CCDC91: variants seen among roughly 807,000 people sequenced by gnomAD.
The protein encoded by CCDC91 is coiled-coil domain-containing protein 91.
In CCDC91, 48 loss-of-function variants were observed where a neutral mutation model predicts 63.2. The ratio of observed to expected loss-of-function variants is 0.76; its 90% CI spans 0.60 to 0.97. The LOEUF (loss-of-function observed/expected upper bound fraction) is 0.97. Ranked by LOEUF, CCDC91 falls within the 50% of genes least tolerant of loss-of-function variation. The pLI, the probability that CCDC91 is intolerant of heterozygous loss-of-function variation, is 0.00. For synonymous variants in CCDC91, 167 were observed against 165.8 expected (o/e 1.01, Z -0.06); for missense variants, 500 against 494.6 (o/e 1.01, Z -0.10).
intron 11 of CCDC91, among the ~76,000 whole-genome samples, chr12:28,458,730 C>T (rs1950174481): frequency 6.6e-6 from 1 of 151,894 alleles, no homozygotes; most frequent in South Asian, 2.1e-4. Flanking sequence ...ACCCACCTCA[C>T]ATCTTTTTAA....
chr12:28,191,193 C>T (rs1941206015), intron 1 of CCDC91: 1 of 152,240 alleles, frequency 6.6e-6, no homozygotes, highest in Non-Finnish European at 1.5e-5. Context: ...CCCGTTAGCA[C>T]GCCTCCCTTT....
intron 1 of CCDC91, among the ~76,000 whole-genome samples, chr12:28,237,646 C>G (rs1945056300): frequency 6.6e-6 from 1 of 152,192 alleles, no homozygotes; most frequent in South Asian, 2.1e-4. Flanking sequence ...GGGAGCCAGC[C>G]TTCCCAACTC....
intron 8 of CCDC91, among the ~76,000 whole-genome samples, chr12:28,441,221 A>C (rs967568269): frequency 3.7e-4 from 57 of 152,090 alleles, no homozygotes; most frequent in African/African-American, 1.3e-3. Context: ...CCAGTAAAAT[A>C]GCTAAAATTT....
chr12:28,518,088 A>G (rs891389922), intron 12 of CCDC91, among the ~76,000 whole-genome samples: 9 of 152,006 alleles, frequency 5.9e-5, no homozygotes, highest in Admixed American at 2.6e-4. Flanking sequence ...TTGTGCTGCT[A>G]TAAACATGTG....
At chr12:28,236,139 T>A (rs1262864586) in intron 1 of CCDC91, 3 of 152,100 alleles carry the variant, frequency 2.0e-5, no homozygotes, top group Non-Finnish European at 2.9e-5. Context: ...CAAAGTTTGA[T>A]CTCTATATTT....
intron 11 of CCDC91, among the ~76,000 whole-genome samples, chr12:28,466,019 A>G (rs1033971219): frequency 1.3e-5 from 2 of 152,122 alleles, no homozygotes; most frequent in Admixed American, 1.3e-4. Flanking sequence ...TGAAAATGCA[A>G]TTGGCATACT....
chr12:28,466,235 A>C (rs1950543675), intron 11 of CCDC91, among the ~76,000 whole-genome samples: 1 of 152,174 alleles, frequency 6.6e-6, no homozygotes, highest in Non-Finnish European at 1.5e-5. Context: ...CAAAGGGGCA[A>C]ACCTAAGAGT....
chr12:28,319,418 C>T (rs768430514), intron 6 of CCDC91: 2 of 151,862 alleles, frequency 1.3e-5, no homozygotes, highest in Non-Finnish European at 2.9e-5. Context: ...AGTAATTCCG[C>T]CTTGGATAAA....
chr12:28,430,536 A>T (rs1948573414), intron 8 of CCDC91, among the ~76,000 whole-genome samples: 1 of 152,172 alleles, frequency 6.6e-6, no homozygotes, highest in African/African-American at 2.4e-5. Flanking sequence ...ATATTAGAAT[A>T]AACCTAAGAA....
chr12:28,305,801 G>A lies in CCDC91; in HGVS notation c.262G>A (p.Ala88Thr), dbSNP rs754584720. 1 of 1,611,126 alleles carries A rather than the reference G, an allele frequency of 6.2e-7. No homozygotes were observed. The highest frequency in any genetic ancestry group is 1.1e-5 in the South Asian group (1 of 90,676). ...CATTGTGAGTCAAACTATTCCAAAA[G>A]CACAGGTAAAGACAAACATATTTTT... ...NSIVSQTIPK[A>T]QIQQSTHTHL... Residue 88 changes from alanine (A) to threonine (T), a missense_variant, in exon 4 of 13, where the codon GCA (alanine) becomes ACA (threonine). Transcript: ENST00000536442.
chr12:28,529,130 A>T (rs1309598002), intron 12 of CCDC91, among the ~76,000 whole-genome samples: 1 of 152,160 alleles, frequency 6.6e-6, no homozygotes, highest in East Asian at 1.9e-4. Context: ...GTACTTCTTT[A>T]TTTAAACATA....
rs1592527160 is a variant in CCDC91, at chr12:28,391,307, C to G, written c.658C>G (p.Leu220Val). The change falls in exon 8 of 13, where the codon CTA (leucine) becomes GTA (valine). Residue 220 changes from leucine (L) to valine (V), a missense_variant. By Grantham distance (32) the Leu-to-Val change is conservative. Transcript: ENST00000536442. ...TGACTTTTTTGCTTGTTTTCAGGCA[C>G]TACTGCAGTCTTCAGTTAAGCAACA... ...LSIIVDEYKALLQSSVKQQVE... is the reference protein window; with the variant it reads ...LSIIVDEYKAVLQSSVKQQVE... 1.9e-6 allele frequency: 3 copies of G among 1,604,622 alleles called. No individual in the cohort carries two copies. In the East Asian group the frequency reaches 6.7e-5, roughly 36 times the overall value.
At chr12:28,224,673 A>G (rs939591690) in intron 1 of CCDC91, among the ~76,000 whole-genome samples, 10 of 152,156 alleles carry the variant, frequency 6.6e-5, no homozygotes, top group African/African-American at 2.4e-4. Flanking sequence ...TTAATAATGA[A>G]CTTGGGTTTA....
intron 7 of CCDC91, among the ~76,000 whole-genome samples, chr12:28,373,448 TGTTA>T (rs1244970909): frequency 6.6e-6 from 1 of 152,170 alleles, no homozygotes; most frequent in Non-Finnish European, 1.5e-5. Context: ...ATTATGTATG[TGTTA>T]GTTTTCTTAA....
intron 1 of CCDC91, among the ~76,000 whole-genome samples, chr12:28,246,358 C>G (rs758715732): frequency 1.3e-5 from 2 of 152,022 alleles, no homozygotes; most frequent in Non-Finnish European, 2.9e-5. Flanking sequence ...CTGATTTTAC[C>G]GTGATTACTA....
chr12:28,362,658 T>G (rs1943980244), intron 7 of CCDC91, 143 bp downstream of exon 7: 2 of 505,718 alleles, frequency 4.0e-6, no homozygotes, highest in South Asian at 6.1e-5. Context: ...GCAACAAATA[T>G]CCATTGAAAG....
chr12:28,315,400 AGGTGATCTGCCCACCTT>A (rs1171409849), intron 6 of CCDC91, among the ~76,000 whole-genome samples: 1 of 151,888 alleles, frequency 6.6e-6, no homozygotes, highest in Non-Finnish European at 1.5e-5. Flanking sequence ...TCCTGACCTC[AGGTGATCTGCCCACCTT>A]GGCCTTCTAA....
intron 8 of CCDC91, among the ~76,000 whole-genome samples, chr12:28,433,085 TAAG>T (rs1385837188): frequency 5.3e-5 from 8 of 152,012 alleles, no homozygotes. Flanking sequence ...TGTTGAGTTT[TAAG>T]AGTTTTCTGC....
chr12:28,441,838 G>C (rs1216662352), intron 8 of CCDC91, among the ~76,000 whole-genome samples: 1 of 151,142 alleles, frequency 6.6e-6, no homozygotes, highest in Admixed American at 6.6e-5. Context: ...GAATTTTTTG[G>C]GTAATGAAAA....
Sources: gnomAD v4.1 joint callset for allele counts (sites outside exome capture counted in the v4.1 genomes callset) on GRCh38, gnomAD v4.1.1 for gene constraint, MANE v1.5 for transcripts, NCBI Gene and HGNC (gene_info 2026-07-23, HGNC 2026-07-21) for gene names.